PTDSS1: variants seen among roughly 807,000 people sequenced by gnomAD.
PTDSS1 encodes PSS-1.
PTDSS1 carries 45 observed loss-of-function variants against 70.5 expected under a neutral mutation model. The ratio of observed to expected loss-of-function variants is 0.64; its 90% CI spans 0.50 to 0.82. The LOEUF is 0.82. Ranked by LOEUF, PTDSS1 falls within the 40% of genes least tolerant of loss-of-function variation. The pLI, the probability that PTDSS1 is intolerant of heterozygous loss-of-function variation, is 0.00. For synonymous variants in PTDSS1, 188 were observed against 203.8 expected (o/e 0.92, Z 0.66); for missense variants, 417 against 586.1 (o/e 0.71, Z 2.98).
At chr8:96,301,396 G>C (rs1466814426) in intron 6 of PTDSS1, among the ~76,000 whole-genome samples, 2 of 150,442 alleles carry the variant, frequency 1.3e-5, no homozygotes, top group East Asian at 4.1e-4. Context: ...TGCCCAGCCT[G>C]TCATCCCCTT....
chr8:96,288,926 G>A (rs1810863266), intron 4 of PTDSS1, among the ~76,000 whole-genome samples: 1 of 151,248 alleles, frequency 6.6e-6, no homozygotes, highest in Admixed American at 6.6e-5. Context: ...ACCACTACTG[G>A]CCCATGATCA....
At chr8:96,296,866 T>C (rs545341116) in intron 5 of PTDSS1, among the ~76,000 whole-genome samples, 48 of 152,336 alleles carry the variant, frequency 3.2e-4, no homozygotes, top group African/African-American at 1.2e-3. Flanking sequence ...AGCCGCTGCA[T>C]AGGCTTGTGT....
rs769187486 is a variant in PTDSS1, at chr8:96,320,251, T to C, written c.1079T>C (p.Ile360Thr). The C allele has an allele frequency of 6.2e-7, 1 of 1,602,778 alleles. No homozygotes were observed. The highest frequency in any genetic ancestry group is 8.5e-7 in the Non-Finnish European group (1 of 1,169,664). ...VGTQCWVFGV[I>T]GFLEAIVCIK... ...TCTGTTCTCTGTCTAATTAGGGTCATTGGTTTCCTGGAGGCCATTGTTTGC... is the reference window on the plus strand; with the variant it reads ...TCTGTTCTCTGTCTAATTAGGGTCACTGGTTTCCTGGAGGCCATTGTTTGC... The change falls in exon 10 of 13, where the codon ATT (isoleucine) becomes ACT (threonine). Residue 360 changes from isoleucine (I) to threonine (T), a missense_variant. Physicochemically the swap from Ile to Thr is moderately conservative, Grantham distance 89 (BLOSUM62 -1). This residue lies in a region of PTDSS1 where 272 missense variants were observed against 429.5 expected (regional missense o/e 0.63). Coordinates refer to ENST00000517309, the MANE Select transcript of PTDSS1 (RefSeq NM_014754.3).
chr8:96,275,592 T>C (rs1810629514), intron 2 of PTDSS1, among the ~76,000 whole-genome samples: 1 of 152,226 alleles, frequency 6.6e-6, no homozygotes, highest in Non-Finnish European at 1.5e-5. Flanking sequence ...GTATATGATA[T>C]GGCATAAGTG....
chr8:96,291,018 G>A (rs1013311050), intron 4 of PTDSS1, among the ~76,000 whole-genome samples: 6 of 151,444 alleles, frequency 4.0e-5, no homozygotes, highest in African/African-American at 7.3e-5. Context: ...AAAAGTTGCT[G>A]CATTTCAAAA....
At chr8:96,310,723 A>G (rs1428557144) in intron 9 of PTDSS1, among the ~76,000 whole-genome samples, 1 of 151,866 alleles carries the variant, frequency 6.6e-6, no homozygotes, top group Non-Finnish European at 1.5e-5. Flanking sequence ...GTACTAACAT[A>G]CAGCAGCATG....
intron 1 of PTDSS1, among the ~76,000 whole-genome samples, chr8:96,269,883 C>T (rs982258872): frequency 2.0e-5 from 3 of 152,168 alleles, no homozygotes; most frequent in Non-Finnish European, 1.5e-5. Context: ...AATGAGTGGA[C>T]GTAAATGAAG....
intron 4 of PTDSS1, among the ~76,000 whole-genome samples, chr8:96,292,051 T>G (rs917259674): frequency 1.3e-5 from 2 of 151,842 alleles, no homozygotes; most frequent in African/African-American, 4.8e-5. Context: ...GAGGCCATGG[T>G]GGGCAGATCA....
intron 10 of PTDSS1, among the ~76,000 whole-genome samples, chr8:96,325,017 C>G (rs987932750): frequency 6.6e-6 from 1 of 152,190 alleles, no homozygotes; most frequent in Non-Finnish European, 1.5e-5. Flanking sequence ...CCGTGCTGTG[C>G]CTGGGGCTCT....
intron 6 of PTDSS1, among the ~76,000 whole-genome samples, chr8:96,303,657 C>T (rs1042220743): frequency 6.6e-6 from 1 of 151,980 alleles, no homozygotes; most frequent in South Asian, 2.1e-4. Context: ...TGAGTGATTT[C>T]GAGGATGCAA....
In PTDSS1 at chr8:96,299,857, T is replaced by G. The variant is rs1811027850; in HGVS notation, c.752+12T>G. On this transcript the variant is annotated intron_variant, in intron 6 of 12. Transcript: ENST00000517309. ...TGGGCAAGCTTCAAGTGAGTTGCCT[T>G]CTTTTTGGATATTAGTCACAGTTTT... is the stretch of plus-strand genomic sequence containing the variant. 1 of 1,598,664 alleles carries G rather than the reference T, an allele frequency of 6.3e-7. No individual in the cohort carries two copies. Among genetic ancestry groups the G allele is most frequent in the African/African-American group, 1.4e-5 (1 of 73,634 alleles).
At chr8:96,274,488 A>G (rs976276943) in intron 2 of PTDSS1, among the ~76,000 whole-genome samples, 5 of 152,256 alleles carry the variant, frequency 3.3e-5, no homozygotes, top group Non-Finnish European at 4.4e-5. Context: ...CACTTTGGGA[A>G]GCCGAGGTGG....
chr8:96,265,363 A>T (rs1810471361), intron 1 of PTDSS1, among the ~76,000 whole-genome samples: 1 of 152,204 alleles, frequency 6.6e-6, no homozygotes, highest in Admixed American at 6.5e-5. Context: ...ATTACAGAGG[A>T]TTAGATACCT....
Position 96,262,162 on chromosome 8 carries a change from A to G in PTDSS1, c.122A>G (p.His41Arg). 1 of 1,613,878 alleles carries G rather than the reference A, an allele frequency of 6.2e-7. No individual in the cohort carries two copies. Among genetic ancestry groups the G allele is most frequent in the Non-Finnish European group, 8.5e-7 (1 of 1,179,824 alleles). ...DITIDFFYRPHTITLLSFTIV... is the reference protein window; with the variant it reads ...DITIDFFYRPRTITLLSFTIV... ...ACCATTGACTTCTTCTACCGGCCGC[A>G]TACCATCACCCTGCTCAGCTTCACC... The change falls in exon 1 of 13, where the codon CAT (histidine) becomes CGT (arginine). Residue 41 changes from histidine (H) to arginine (R), a missense_variant. His to Arg is a conservative substitution (Grantham distance 29). Around this residue, in one of 3 missense-constraint regions of PTDSS1, gnomAD observed 272 missense variants for 429.5 expected, o/e 0.63. Coordinates refer to ENST00000517309, the MANE Select transcript of PTDSS1 (RefSeq NM_014754.3). The surrounding 1 kb of genome is among the most constrained non-coding windows in gnomAD (Gnocchi z 4.4).
intron 9 of PTDSS1, among the ~76,000 whole-genome samples, chr8:96,317,057 A>ATGTGTGTG (rs749702023): frequency 5.3e-4 from 79 of 148,506 alleles, no homozygotes; most frequent in South Asian, 2.3e-3. Context: ...GTATATATAT[A>ATGTGTGTG]TGTGTGTGTG....
chr8:96,291,455 T>G (rs1165057674), intron 4 of PTDSS1, among the ~76,000 whole-genome samples: 1 of 149,720 alleles, frequency 6.7e-6, no homozygotes, highest in Non-Finnish European at 1.5e-5. Flanking sequence ...GGCTTTTCTT[T>G]TTTTTTTTTT....
intron 5 of PTDSS1, among the ~76,000 whole-genome samples, chr8:96,298,751 A>G (rs755658520): frequency 6.6e-6 from 1 of 152,164 alleles, no homozygotes; most frequent in African/African-American, 2.4e-5. Flanking sequence ...TCAGTCTACC[A>G]TATTTTATGG....
chr8:96,322,119 G>A (rs1175612970), intron 10 of PTDSS1, among the ~76,000 whole-genome samples: 1 of 152,118 alleles, frequency 6.6e-6, no homozygotes, highest in Non-Finnish European at 1.5e-5. Flanking sequence ...GGACAAGACA[G>A]ACAGCCCTCC....
chr8:96,285,277 A>G (rs1193862176), intron 3 of PTDSS1, among the ~76,000 whole-genome samples: 1 of 152,226 alleles, frequency 6.6e-6, no homozygotes, highest in African/African-American at 2.4e-5. Context: ...AAAAGCTGCC[A>G]AAATGGCCCA....
Sources: gnomAD v4.1 joint callset for allele counts (sites outside exome capture counted in the v4.1 genomes callset) on GRCh38, gnomAD v4.1.1 for gene constraint, gnomAD v4.1.1 regional missense constraint, Gnocchi (gnomAD v3.1) non-coding constraint, MANE v1.5 for transcripts, NCBI Gene and HGNC (gene_info 2026-07-23, HGNC 2026-07-21) for gene names.